Variants in BAIAP2L1 observed in about 807,000 individuals in gnomAD.
BAIAP2L1 encodes BAR/IMD domain containing adaptor protein 2 like 1.
BAIAP2L1 carries 35 observed loss-of-function variants against 66.3 expected under a neutral mutation model. That is an observed-to-expected ratio of 0.53 (90% CI 0.40 to 0.70). BAIAP2L1 has a LOEUF of 0.70. BAIAP2L1 is among the 30% of genes least tolerant of loss of function. BAIAP2L1 has a pLI of 0.00. For synonymous variants in BAIAP2L1, 269 were observed against 248.7 expected (o/e 1.08, Z -0.77); for missense variants, 622 against 656.9 (o/e 0.95, Z 0.58).
chr7:98,367,923 C>T (rs576360109), intron 1 of BAIAP2L1, among the ~76,000 whole-genome samples: 58 of 152,026 alleles, frequency 3.8e-4, no homozygotes, highest in Non-Finnish European at 5.9e-4. Flanking sequence ...CACGCTTGGC[C>T]GGGTTTCATC....
rs952111630 is a variant in BAIAP2L1, at chr7:98,385,745, T to G, written c.51+15057A>C. The G allele has an allele frequency of 6.9e-5, 94 of 1,368,790 alleles. 1 individual carries two copies. Among genetic ancestry groups the G allele is most frequent in the Admixed American group, 4.6e-4 (21 of 46,068 alleles). 84.8% of individuals were successfully genotyped at this position (1,368,790 alleles called of 1,614,324 possible). ...CAACATTTCTTTTTTTTGTTGTTTT[T>G]TTTTTCACAAATAGCACTCTTTATT... On this transcript the variant is annotated intron_variant, in intron 1 of 13. Transcript: ENST00000005260.
intron 1 of BAIAP2L1, among the ~76,000 whole-genome samples, chr7:98,393,598 C>T (rs1023680099): frequency 6.6e-6 from 1 of 151,428 alleles, no homozygotes; most frequent in Non-Finnish European, 1.5e-5. Flanking sequence ...CCTGGGTTCA[C>T]GCCATTCTCC....
In BAIAP2L1 at chr7:98,293,795, C is replaced by T. The variant is rs117448713; in HGVS notation, c.1461-199G>A. ...CTACACCATACCACCTGCTGCAGAA[C>T]GATCCCAGGTTTTAAGCGTTCTGGA... On this transcript the variant is annotated intron_variant, in intron 13 of 13. Transcript: ENST00000005260. Among the ~76,000 whole-genome samples the T allele has an allele frequency of 9.3e-3, 1,413 of 152,326 alleles. 8 individuals are homozygous for T. Among genetic ancestry groups the T allele is most frequent in the Non-Finnish European group, 0.015 (989 of 68,026 alleles).
rs944055610 is a variant in BAIAP2L1, at chr7:98,293,200, A to T, written c.*321T>A. 1 of 300,538 alleles carries T rather than the reference A, an allele frequency of 3.3e-6. No individual in the cohort carries two copies. Among genetic ancestry groups the T allele is most frequent in the East Asian group, 6.3e-5 (1 of 15,898 alleles). 18.6% of individuals were successfully genotyped at this position (300,538 alleles called of 1,614,324 possible). ...GTCCTGAAAGCATAGACTATCCCTT[A>T]TTCTGGCTGTTATTAAGGAAAAAAT... On this transcript the variant is annotated 3_prime_UTR_variant, in exon 14 of 14. Coordinates refer to ENST00000005260, the MANE Select transcript of BAIAP2L1 (RefSeq NM_018842.5).
intron 7 of BAIAP2L1, among the ~76,000 whole-genome samples, chr7:98,313,283 C>T (rs919911626): frequency 2.6e-5 from 4 of 152,084 alleles, no homozygotes; most frequent in African/African-American, 4.8e-5. Context: ...TTCAGATACT[C>T]GAAGAAACTT....
chr7:98,387,703 GA>G (rs3062634), intron 1 of BAIAP2L1, among the ~76,000 whole-genome samples: 56,765 of 145,284 alleles, frequency 0.39, 12,059 homozygotes, highest in Middle Eastern at 0.54. Flanking sequence ...GTCTCTACAA[GA>G]AAAAAAAAAA....
rs1218702529 is a variant in BAIAP2L1, at chr7:98,293,557, A to G, written c.1500T>C (p.Thr500=). The change falls in exon 14 of 14, where the codon ACT becomes ACC. Residue 500 remains threonine, a synonymous_variant. Coordinates refer to ENST00000005260, the MANE Select transcript of BAIAP2L1 (RefSeq NM_018842.5). The part of the protein sequence containing the change: ...NPFATVKLRP[T]VTNDRSAPII... ...TGGGTGCCGAGCGATCATTCGTCAC[A>G]GTCGGGCGGAGTTTCACAGTGGCAA... 2 of 1,613,778 alleles carry G rather than the reference A, an allele frequency of 1.2e-6. No individual in the cohort carries two copies. The highest frequency in any genetic ancestry group is 1.3e-5 in the African/African-American group (1 of 74,918).
At chr7:98,358,518 T>C (rs1334660701) in intron 2 of BAIAP2L1, among the ~76,000 whole-genome samples, 3 of 151,842 alleles carry the variant, frequency 2.0e-5, no homozygotes, top group Non-Finnish European at 4.4e-5. Flanking sequence ...CCACCACACC[T>C]AGCTAATTTT....
At chr7:98,367,173 T>C (rs973347973) in intron 1 of BAIAP2L1, among the ~76,000 whole-genome samples, 3 of 151,998 alleles carry the variant, frequency 2.0e-5, no homozygotes, top group Non-Finnish European at 4.4e-5. Context: ...TTCTTTGAAA[T>C]AGTTTAAGAC....
intron 1 of BAIAP2L1, among the ~76,000 whole-genome samples, chr7:98,369,769 T>G (rs572263275): frequency 6.7e-6 from 1 of 150,248 alleles, no homozygotes; most frequent in African/African-American, 2.4e-5. Context: ...CCTCCTGGGT[T>G]CACGCAACTC....
intron 1 of BAIAP2L1, among the ~76,000 whole-genome samples, chr7:98,376,328 C>A (rs867183718): frequency 2.7e-4 from 41 of 151,316 alleles, no homozygotes; most frequent in African/African-American, 9.9e-4. Flanking sequence ...CATAGTGAGA[C>A]CCCGTCTCTA....
intron 1 of BAIAP2L1, among the ~76,000 whole-genome samples, chr7:98,383,345 G>A (rs989962144): frequency 6.8e-6 from 1 of 147,220 alleles, no homozygotes; most frequent in Non-Finnish European, 1.5e-5. Context: ...GTGCAATGGT[G>A]CGATCTTGGC....
At chr7:98,395,613 T>G (rs1471727989) in intron 1 of BAIAP2L1, among the ~76,000 whole-genome samples, 1 of 152,168 alleles carries the variant, frequency 6.6e-6, no homozygotes, top group African/African-American at 2.4e-5. Flanking sequence ...TAAGCACAAC[T>G]TTATGTATAT....
chr7:98,324,089 A>C (rs565152779), intron 3 of BAIAP2L1, among the ~76,000 whole-genome samples: 3 of 152,100 alleles, frequency 2.0e-5, no homozygotes, highest in African/African-American at 7.2e-5. Context: ...AAAGCTAAGC[A>C]TGCGCCCCAA....
intron 3 of BAIAP2L1, among the ~76,000 whole-genome samples, chr7:98,325,982 A>C (rs1801373358): frequency 6.6e-6 from 1 of 152,258 alleles, no homozygotes; most frequent in South Asian, 2.1e-4. Flanking sequence ...TCCTGGGGTC[A>C]GTACCAACAC....
chr7:98,312,147 G>T lies in BAIAP2L1; in HGVS notation c.757C>A (p.Pro253Thr). 1 of 1,614,030 alleles carries T rather than the reference G, an allele frequency of 6.2e-7. No homozygotes were observed. The highest frequency in any genetic ancestry group is 8.5e-7 in the Non-Finnish European group (1 of 1,179,978). The change falls in exon 8 of 14, where the codon CCC becomes ACC. Residue 253 changes from proline (P) to threonine (T), a missense_variant. By Grantham distance (38) the Pro-to-Thr change is conservative. Coordinates refer to ENST00000005260, the MANE Select transcript of BAIAP2L1 (RefSeq NM_018842.5). The part of the protein sequence containing the change: ...IEEIKTPAST[P>T]VSGTPQASPM... ...GAAGCCTGAGGAGTTCCAGACACGGGGGTAGAGGCTGGGGTCTTTATTTCT... is the reference window on the plus strand; with the variant it reads ...GAAGCCTGAGGAGTTCCAGACACGGTGGTAGAGGCTGGGGTCTTTATTTCT...
intron 3 of BAIAP2L1, among the ~76,000 whole-genome samples, chr7:98,343,016 TAA>T (rs1054206149): frequency 6.6e-6 from 1 of 151,952 alleles, no homozygotes; most frequent in Non-Finnish European, 1.5e-5. Context: ...TCACACGTGA[TAA>T]AGTCACATGA....
In BAIAP2L1 at chr7:98,339,638, A is replaced by T. The variant is rs552773380; in HGVS notation, c.214+15404T>A. ...ATGATTCTAGCCGCATCCATCTTTG[A>T]GTATCCCTCTCTTCAGCCTGTCACG... On this transcript the variant is annotated intron_variant, in intron 3 of 13. Transcript: ENST00000005260. 1.3e-5 allele frequency among the ~76,000 whole-genome samples: 2 copies of T among 152,238 alleles called. 1 individual carries two copies. The highest frequency in any genetic ancestry group is 1.3e-4 in the Admixed American group (2 of 15,294).
intron 3 of BAIAP2L1, among the ~76,000 whole-genome samples, chr7:98,338,081 TC>T (rs1421727987): frequency 6.6e-6 from 1 of 152,224 alleles, no homozygotes; most frequent in East Asian, 1.9e-4. Flanking sequence ...ATTAGTACAT[TC>T]ACAATATTGT....
Sources: allele counts gnomAD v4.1 joint callset (sites outside exome capture counted in the v4.1 genomes callset), GRCh38; gene constraint gnomAD v4.1.1; transcripts MANE v1.5; gene names NCBI Gene and HGNC (gene_info 2026-07-23, HGNC 2026-07-21).